Variants in RAD51B observed in about 807,000 individuals in gnomAD.
The protein encoded by RAD51B is DNA repair protein RAD51 homolog 2.
In RAD51B, 38 loss-of-function variants were observed where a neutral mutation model predicts 42.2. That is an observed-to-expected ratio of 0.90 (90% CI 0.70 to 1.18). The LOEUF is 1.18. Ranked by LOEUF, RAD51B falls within the 50% of genes most tolerant of loss-of-function variation. The pLI is 0.00. For missense variants in RAD51B, 373 were observed against 400.7 expected, an observed-to-expected ratio of 0.93 and a Z score of 0.59; for synonymous variants, 154 against 145.2, an observed-to-expected ratio of 1.06 and a Z score of -0.43.
chr14:67,961,362 G>A (rs2074662581), intron 7 of RAD51B, among the ~76,000 whole-genome samples: 1 of 152,122 alleles, frequency 6.6e-6, no homozygotes, highest in African/African-American at 2.4e-5. Context: ...GGCTATACTT[G>A]CTAAAGCTTG....
At chr14:68,406,641 A>G (rs2084283256) in intron 8 of RAD51B, among the ~76,000 whole-genome samples, 1 of 152,170 alleles carries the variant, frequency 6.6e-6, no homozygotes, top group African/African-American at 2.4e-5. Flanking sequence ...TCCTTAGGCT[A>G]TATTCATTGA....
At chr14:67,853,266 A>T (rs1220498669) in intron 4 of RAD51B, among the ~76,000 whole-genome samples, 1 of 152,218 alleles carries the variant, frequency 6.6e-6, no homozygotes. Flanking sequence ...CTCAGCTGAG[A>T]TCTTGATTTC....
chr14:68,575,250 G>C (rs1889910109), intron 10 of RAD51B, among the ~76,000 whole-genome samples: 1 of 152,202 alleles, frequency 6.6e-6, no homozygotes, highest in Admixed American at 6.5e-5. Flanking sequence ...TGGAAAGTGA[G>C]GGACTCGAGT....
chr14:68,283,181 A>C (rs965298675), intron 7 of RAD51B, among the ~76,000 whole-genome samples: 1 of 152,208 alleles, frequency 6.6e-6, no homozygotes, highest in Non-Finnish European at 1.5e-5. Context: ...CCCAGAGCCC[A>C]GGAGTACACA....
At chr14:68,464,479 T>C (rs1482296699) in intron 9 of RAD51B, among the ~76,000 whole-genome samples, 4 of 152,246 alleles carry the variant, frequency 2.6e-5, no homozygotes, top group Non-Finnish European at 5.9e-5. Flanking sequence ...GTCAGTTCTG[T>C]TCCCTGCTAG....
intron 7 of RAD51B, among the ~76,000 whole-genome samples, chr14:68,112,216 AT>A (rs2077471019): frequency 1.3e-5 from 2 of 151,994 alleles, no homozygotes; most frequent in Admixed American, 1.3e-4. Flanking sequence ...ACTCATTGAG[AT>A]TTAGTCTCTG....
intron 8 of RAD51B, among the ~76,000 whole-genome samples, chr14:68,393,027 C>A (rs1269772547): frequency 6.6e-6 from 1 of 152,224 alleles, no homozygotes; most frequent in Admixed American, 6.5e-5. Flanking sequence ...TTGTCTATTT[C>A]CCCTATTGGG....
intron 10 of RAD51B, among the ~76,000 whole-genome samples, chr14:68,602,514 A>C (rs200090711): frequency 0.055 from 5,943 of 108,738 alleles, 154 homozygotes; most frequent in East Asian, 0.1. Context: ...AGCTAGATAG[A>C]TAGCTAGCTA....
At chr14:68,112,890 C>T (rs558114032) in intron 7 of RAD51B, among the ~76,000 whole-genome samples, 1 of 152,188 alleles carries the variant, frequency 6.6e-6, no homozygotes, top group East Asian at 1.9e-4. Flanking sequence ...ATTAAATAAA[C>T]TTGCTACGTA....
intron 7 of RAD51B, 32 bp from the exon 8 acceptor site, chr14:68,291,852 G>C: frequency 1.3e-6 from 2 of 1,523,332 alleles, no homozygotes; most frequent in South Asian, 2.2e-5. Context: ...CTTCTCCCTT[G>C]CCCCCTACCC....
rs370752927 is a variant in RAD51B, at chr14:68,637,340, A to G, written c.1037-13441A>G. Among the ~76,000 whole-genome samples the G allele has an allele frequency of 1.4e-3, 206 of 152,244 alleles. 5 individuals carry two copies. In the South Asian group the frequency reaches 0.041, roughly 31 times the overall value. ...GCGATCCTCCCACTTTAGCCTCTCA[A>G]ATTTCCGGGATTGCAAGCATGAGCC... On this transcript the variant is annotated intron_variant, in intron 10 of 11. Transcript: ENST00000488612.
At chr14:68,563,755 G>A (rs1889273287) in intron 10 of RAD51B, 1 of 985,290 alleles carries the variant, frequency 1.0e-6, no homozygotes, top group Non-Finnish European at 1.2e-6. Context: ...GGAGAGGACT[G>A]TATAAACTCT....
intron 7 of RAD51B, among the ~76,000 whole-genome samples, chr14:68,257,827 C>T (rs1302947922): frequency 6.6e-6 from 1 of 152,082 alleles, no homozygotes; most frequent in Non-Finnish European, 1.5e-5. Flanking sequence ...GAGTCCATGT[C>T]ATTTATTTCT....
intron 7 of RAD51B, among the ~76,000 whole-genome samples, chr14:67,894,148 A>C (rs1180713531): frequency 6.6e-6 from 1 of 152,230 alleles, no homozygotes; most frequent in Non-Finnish European, 1.5e-5. Context: ...TAAATGAGAT[A>C]ATGTCTGTAA....
intron 7 of RAD51B, among the ~76,000 whole-genome samples, chr14:68,174,492 A>G (rs926161181): frequency 2.0e-5 from 3 of 152,208 alleles, no homozygotes; most frequent in Non-Finnish European, 2.9e-5. Flanking sequence ...AGGCTAAGAG[A>G]AGAGCAACTT....
chr14:68,328,780 C>G (rs988478825), intron 8 of RAD51B, among the ~76,000 whole-genome samples: 1 of 152,144 alleles, frequency 6.6e-6, no homozygotes, highest in East Asian at 1.9e-4. Flanking sequence ...GAAGAGGAGC[C>G]TCTGTAAGCT....
intron 7 of RAD51B, among the ~76,000 whole-genome samples, chr14:68,195,077 A>G (rs1826471602): frequency 6.6e-6 from 1 of 152,204 alleles, no homozygotes; most frequent in Non-Finnish European, 1.5e-5. Flanking sequence ...CCTGGGCCAT[A>G]TCTCTAAAAA....
intron 7 of RAD51B, among the ~76,000 whole-genome samples, chr14:67,928,389 G>T (rs889733428): frequency 6.6e-6 from 1 of 152,120 alleles, no homozygotes; most frequent in Non-Finnish European, 1.5e-5. Context: ...AGGGAGGGGG[G>T]CTCTGAGAGA....
At chr14:68,260,309 GTGT>G (rs2080857317) in intron 7 of RAD51B, among the ~76,000 whole-genome samples, 1 of 143,670 alleles carries the variant, frequency 7.0e-6, no homozygotes, top group African/African-American at 2.9e-5. Flanking sequence ...GTGTGTGTGT[GTGT>G]GTGTGTGGAG....
Sources: allele counts gnomAD v4.1 joint callset (sites outside exome capture counted in the v4.1 genomes callset), GRCh38; gene constraint gnomAD v4.1.1; transcripts MANE v1.5; gene names NCBI Gene and HGNC (gene_info 2026-07-23, HGNC 2026-07-21).